Variants in POLE2 observed in about 807,000 individuals in gnomAD.
POLE2 encodes the protein DNA polymerase epsilon subunit 2.
Under a neutral mutation model 79.4 loss-of-function variants are expected in POLE2, and 56 were observed. The ratio of observed to expected loss-of-function variants is 0.71; its 90% CI spans 0.57 to 0.88. The LOEUF is 0.88. Among genes scored for constraint, POLE2 ranks in the 40% least tolerant of loss-of-function variants. POLE2 has a pLI of 0.00. For synonymous variants in POLE2, 212 were observed against 214.0 expected (o/e 0.99, Z 0.08); for missense variants, 598 against 638.9 (o/e 0.94, Z 0.69).
chr14:49,671,964 T>TA (rs749791410), intron 5 of POLE2, among the ~76,000 whole-genome samples: 1 of 151,524 alleles, frequency 6.6e-6, no homozygotes, highest in Non-Finnish European at 1.5e-5. Flanking sequence ...AAAAATAAAA[T>TA]AAATAAAAAA....
intron 17 of POLE2, among the ~76,000 whole-genome samples, chr14:49,649,431 C>G (rs573983057): frequency 6.7e-6 from 1 of 149,990 alleles, no homozygotes; most frequent in Non-Finnish European, 1.5e-5. Flanking sequence ...CAGGCGTGAG[C>G]CACCACACCC....
At chr14:49,685,101 T>C (rs931540730) in intron 1 of POLE2, among the ~76,000 whole-genome samples, 5 of 152,218 alleles carry the variant, frequency 3.3e-5, no homozygotes, top group Non-Finnish European at 7.3e-5. Flanking sequence ...GCACACTTTA[T>C]ACCTCACATC....
At chr14:49,687,262 C>CA (rs531800246) in intron 1 of POLE2, among the ~76,000 whole-genome samples, 1,537 of 124,406 alleles carry the variant, frequency 0.012, 10 homozygotes, top group East Asian at 0.031. Context: ...GACCATGACT[C>CA]AAAAAAAAAA....
intron 3 of POLE2, among the ~76,000 whole-genome samples, chr14:49,676,734 C>G (rs1163430566): frequency 2.6e-5 from 4 of 152,240 alleles, no homozygotes; most frequent in Admixed American, 6.5e-5. Flanking sequence ...TGAGGCCTGA[C>G]AGGTGTGGGA....
At chr14:49,685,640 A>G (rs1887072086) in intron 1 of POLE2, among the ~76,000 whole-genome samples, 1 of 151,422 alleles carries the variant, frequency 6.6e-6, no homozygotes, top group South Asian at 2.1e-4. Flanking sequence ...CTTTTTTGAG[A>G]TGGAGTCTCG....
intron 3 of POLE2, among the ~76,000 whole-genome samples, chr14:49,676,981 T>C (rs886213721): frequency 1.3e-5 from 2 of 152,238 alleles, no homozygotes; most frequent in Non-Finnish European, 2.9e-5. Context: ...GACTGAGACA[T>C]CATGGGCCAT....
intron 17 of POLE2, 50 bp downstream of exon 17, chr14:49,650,215 C>T (rs757425507): frequency 3.2e-6 from 3 of 936,384 alleles, no homozygotes; most frequent in East Asian, 2.9e-5. Context: ...TTAAAAAATG[C>T]ACTCTAATCT....
chr14:49,658,594 C>T (rs575061169), intron 10 of POLE2, among the ~76,000 whole-genome samples: 2 of 152,252 alleles, frequency 1.3e-5, no homozygotes, highest in South Asian at 2.1e-4. Context: ...CTGTCATGCA[C>T]GGCATAAAAA....
Position 49,666,231 on chromosome 14 carries a change from T to G in POLE2, c.576+99A>C, listed in dbSNP as rs75591654. ...TTCTGTTGGTGAGGCGAGTTTTCAA[T>G]AAAGAATACATTCCTGTGCCCACTA... On this transcript the variant is annotated intron_variant, in intron 7 of 18. Coordinates refer to ENST00000216367, the MANE Select transcript of POLE2 (RefSeq NM_002692.4). 9.8e-4 allele frequency: 662 copies of G among 678,188 alleles called. 8 individuals are homozygous for G. In the East Asian group the frequency reaches 0.016, roughly 16 times the overall value. 42.0% of individuals were successfully genotyped at this position (678,188 alleles called of 1,614,324 possible). A position where few individuals can be genotyped will look rare whatever the true frequency, so the allele number is the denominator to read the frequency against.
intron 7 of POLE2, 105 bp downstream of exon 7, chr14:49,666,225 T>C: frequency 1.5e-6 from 1 of 667,268 alleles, no homozygotes; most frequent in South Asian, 1.7e-5. Flanking sequence ...TGAGGCGAGT[T>C]TTCAATAAAG....
chr14:49,670,528 C>G (rs1298425968), intron 5 of POLE2, among the ~76,000 whole-genome samples: 1 of 152,020 alleles, frequency 6.6e-6, no homozygotes, highest in Non-Finnish European at 1.5e-5. Context: ...ATTGATACCC[C>G]TTCCCCCTTC....
In POLE2 at chr14:49,664,618, T is replaced by A; in HGVS notation, c.682+8A>T. Reference sequence around the variant, plus strand: ...GAAGAAGGACAGTAACAAAGTATACTGACTTACCTTCTGCTAAGACAAAGC... The same window carrying A: ...GAAGAAGGACAGTAACAAAGTATACAGACTTACCTTCTGCTAAGACAAAGC... On this transcript the variant is annotated splice_region_variant and intron_variant, in intron 9 of 18. Coordinates refer to ENST00000216367, the MANE Select transcript of POLE2 (RefSeq NM_002692.4). The A allele has an allele frequency of 6.4e-7, 1 of 1,558,712 alleles. No homozygotes were observed. The highest frequency in any genetic ancestry group is 8.9e-7 in the Non-Finnish European group (1 of 1,129,870).
At chr14:49,686,576 AT>A (rs1431463613) in intron 1 of POLE2, among the ~76,000 whole-genome samples, 3 of 152,190 alleles carry the variant, frequency 2.0e-5, no homozygotes, top group African/African-American at 7.2e-5. Flanking sequence ...AAAATTTGAG[AT>A]AATGTGTACT....
At chr14:49,657,095 A>G (rs905178351) in intron 10 of POLE2, among the ~76,000 whole-genome samples, 1 of 149,854 alleles carries the variant, frequency 6.7e-6, no homozygotes, top group East Asian at 1.9e-4. Flanking sequence ...CTTGGGCAAC[A>G]AAGCAAGATT....
chr14:49,655,566 T>G (rs1481742787), intron 11 of POLE2, 105 bp downstream of exon 11: 406 of 765,272 alleles, frequency 5.3e-4, no homozygotes, highest in Non-Finnish European at 8.1e-4. Context: ...CTAACTCTGT[T>G]TTTTTTTAAA....
At chr14:49,649,761 A>G (rs556913657) in intron 17 of POLE2, among the ~76,000 whole-genome samples, 2 of 152,334 alleles carry the variant, frequency 1.3e-5, no homozygotes, top group Non-Finnish European at 2.9e-5. Context: ...AAAGTCAATT[A>G]TATTTCTGCA....
At chr14:49,679,852 C>A (rs770908352) in intron 2 of POLE2, 52 bp from the exon 3 acceptor site, 13 of 979,356 alleles carry the variant, frequency 1.3e-5, no homozygotes, top group East Asian at 9.8e-5. Context: ...AAAAATAGTT[C>A]TTTCCACAGA....
intron 3 of POLE2, 86 bp downstream of exon 3, chr14:49,679,639 T>A (rs1046314436): frequency 1.4e-6 from 1 of 703,088 alleles, no homozygotes; most frequent in Non-Finnish European, 2.6e-6. Context: ...GAAACGTTGA[T>A]CACTAATAAT....
intron 11 of POLE2, among the ~76,000 whole-genome samples, 182 bp from the exon 12 acceptor site, chr14:49,655,276 C>T (rs1170507947): frequency 6.6e-6 from 1 of 152,066 alleles, no homozygotes; most frequent in East Asian, 1.9e-4. Flanking sequence ...GCCAGGCCTG[C>T]ATTGGCTTAA....
Sources: gnomAD v4.1 joint callset for allele counts (sites outside exome capture counted in the v4.1 genomes callset) on GRCh38, gnomAD v4.1.1 for gene constraint, MANE v1.5 for transcripts, NCBI Gene and HGNC (gene_info 2026-07-23, HGNC 2026-07-21) for gene names.